The following PCDH11X variants were observed in gnomAD, a reference collection of about 807,000 sequenced individuals.
The protein encoded by PCDH11X is protocadherin 11 X-linked.
PCDH11X carries 18 observed loss-of-function variants against 53.3 expected under a neutral mutation model. The ratio of observed to expected loss-of-function variants is 0.34; its 90% CI spans 0.23 to 0.50. The LOEUF is 0.50. PCDH11X is among the 20% of genes least tolerant of loss of function. The pLI is 0.98. For missense variants in PCDH11X, 570 were observed against 1,032.4 expected, an observed-to-expected ratio of 0.55 and a Z score of 6.14; for synonymous variants, 279 against 393.3, an observed-to-expected ratio of 0.71 and a Z score of 3.44.
At chrX:91,823,782 C>T (rs760216626) in intron 4 of PCDH11X, among the ~76,000 whole-genome samples, 1 of 111,536 alleles carries the variant, frequency 9.0e-6, no homozygotes, top group South Asian at 3.8e-4. Context: ...ATAGTCTTTA[C>T]ATTTTGGCAT....
intron 8 of PCDH11X, among the ~76,000 whole-genome samples, chrX:92,289,284 T>C (rs1401583564): frequency 9.0e-6 from 1 of 111,243 alleles, no homozygotes; most frequent in Non-Finnish European, 1.9e-5. Flanking sequence ...TGGAATCATA[T>C]ATCTACTGTC....
At chrX:92,450,134 C>T (rs2148645784) in intron 9 of PCDH11X, among the ~76,000 whole-genome samples, 1 of 111,142 alleles carries the variant, frequency 9.0e-6, no homozygotes, top group East Asian at 2.9e-4. Flanking sequence ...ACCAAGAATA[C>T]AACCTCAGAT....
chrX:91,846,666 T>C (rs1937687607), intron 5 of PCDH11X, among the ~76,000 whole-genome samples: 1 of 111,611 alleles, frequency 9.0e-6, no homozygotes, highest in Non-Finnish European at 1.9e-5. Flanking sequence ...CCATGCCTTG[T>C]TACACAGTTC....
intron 10 of PCDH11X, among the ~76,000 whole-genome samples, chrX:92,616,306 CCTAA>C (rs1483175777): frequency 6.3e-5 from 4 of 63,609 alleles, no homozygotes; most frequent in Non-Finnish European, 8.7e-5. Context: ...AAGAATGCTG[CCTAA>C]CTGATAGTCA....
intron 10 of PCDH11X, among the ~76,000 whole-genome samples, chrX:92,596,285 C>T (rs2148802454): frequency 8.9e-6 from 1 of 111,813 alleles, no homozygotes; most frequent in Admixed American, 9.5e-5. Flanking sequence ...ATTGTACCAC[C>T]TGTCAGCAGG....
chrX:92,502,208 G>A (rs1398763731), intron 10 of PCDH11X, among the ~76,000 whole-genome samples: 1 of 110,251 alleles, frequency 9.1e-6, no homozygotes, highest in Non-Finnish European at 1.9e-5. Flanking sequence ...CACCACTCAA[G>A]GAAATCAGAG....
rs1222329787 is a variant in PCDH11X at position 92,073,088 on chromosome X, C to T, written c.3034-128287C>T. On this transcript the variant is annotated intron_variant, in intron 6 of 10. Coordinates refer to ENST00000682573, the MANE Select transcript of PCDH11X (RefSeq NM_032968.5). ...TACTGTGACAAGGTAGCACTGAGTT[C>T]GATGTAAAGTCTCCCAGTCACTGCT... Among the ~76,000 whole-genome samples, 9 of 110,843 alleles carry T rather than the reference C, an allele frequency of 8.1e-5. No homozygotes were observed. In the South Asian group the frequency reaches 2.3e-3, roughly 28 times the overall value.
intron 6 of PCDH11X, among the ~76,000 whole-genome samples, chrX:92,152,803 T>TTATG (rs2065462049): frequency 1.8e-5 from 2 of 110,546 alleles, no homozygotes; most frequent in East Asian, 2.8e-4. Context: ...ATGTATTTAT[T>TTATG]TATTTATTTT....
intron 9 of PCDH11X, among the ~76,000 whole-genome samples, chrX:92,423,845 CTA>C (rs1462585033): frequency 1.0e-5 from 1 of 97,109 alleles, no homozygotes; most frequent in Non-Finnish European, 2.3e-5. Flanking sequence ...TTCCATTTGT[CTA>C]TGTGCCTATT....
At chrX:92,367,187 G>T (rs2148546954) in intron 8 of PCDH11X, among the ~76,000 whole-genome samples, 1 of 111,248 alleles carries the variant, frequency 9.0e-6, no homozygotes, top group South Asian at 3.8e-4. Flanking sequence ...TGTATTGGGT[G>T]CATTTATATT....
At chrX:92,348,156 C>T (rs943484534) in intron 8 of PCDH11X, among the ~76,000 whole-genome samples, 115 of 111,535 alleles carry the variant, frequency 1.0e-3, no homozygotes, top group African/African-American at 3.8e-3. Context: ...TGAAGCAAAA[C>T]GGTTCCTGAA....
chrX:92,622,091 G>A lies in PCDH11X; in HGVS notation c.*3151G>A, dbSNP rs1928552652. The A allele has an allele frequency of 1.0e-5, 1 of 100,162 alleles. No homozygotes were observed. Among genetic ancestry groups the A allele is most frequent in the Non-Finnish European group, 2.0e-5 (1 of 49,509 alleles). 8.3% of individuals were successfully genotyped at this position (100,162 alleles called of 1,213,427 possible). ...AGCTTTTACATATGATATCTACAAT[G>A]TAATAAATTTAGAGAGTAATTTTGT... is the stretch of plus-strand genomic sequence containing the variant. On this transcript the variant is annotated 3_prime_UTR_variant, in exon 11 of 11. Transcript: ENST00000682573.
In PCDH11X at chrX:92,158,596, T is replaced by C. The variant is rs528026911; in HGVS notation, c.3034-42779T>C. Among the ~76,000 whole-genome samples the C allele has an allele frequency of 2.7e-5, 3 of 112,054 alleles. No individual in the cohort carries two copies. The South Asian group carries it at 1.1e-3, about 42-fold the overall frequency. On this transcript the variant is annotated intron_variant, in intron 6 of 10. Coordinates refer to ENST00000682573, the MANE Select transcript of PCDH11X (RefSeq NM_032968.5). ...GTCTTTGTATTTATTAACTTTGATT[T>C]TAAGATTGCCTGAATGGTAATGTTT...
chrX:92,247,814 C>A (rs779087950), intron 7 of PCDH11X, among the ~76,000 whole-genome samples: 16 of 111,570 alleles, frequency 1.4e-4, no homozygotes, highest in Non-Finnish European at 2.8e-4. Flanking sequence ...ACCTTATTTC[C>A]AAATAAGGCC....
At chrX:92,464,602 G>T (rs2073122031) in intron 9 of PCDH11X, among the ~76,000 whole-genome samples, 5 of 110,552 alleles carry the variant, frequency 4.5e-5, no homozygotes, top group Non-Finnish European at 9.5e-5. Context: ...AGCAGCATGA[G>T]AACAAACTAA....
At chrX:92,520,239 T>TTG (rs1255160592) in intron 10 of PCDH11X, among the ~76,000 whole-genome samples, 5 of 110,358 alleles carry the variant, frequency 4.5e-5, no homozygotes, top group Non-Finnish European at 9.5e-5. Flanking sequence ...TTTTTTTTTT[T>TTG]GGTTTCCCAA....
chrX:92,424,542 C>T (rs752930438), intron 9 of PCDH11X, among the ~76,000 whole-genome samples: 1,470 of 95,342 alleles, frequency 0.015, 63 homozygotes, highest in African/African-American at 0.048. Flanking sequence ...TTATGGAGTC[C>T]CTTTAGTTAA....
At chrX:92,280,791 T>A (rs454611) in intron 8 of PCDH11X, among the ~76,000 whole-genome samples, 46,634 of 106,621 alleles carry the variant, frequency 0.44, 8,257 homozygotes, top group Non-Finnish European at 0.53. Flanking sequence ...ATATTTTTTT[T>A]AAAAAAAAAT....
At chrX:92,549,727 TAAAAC>T (rs1227841986) in intron 10 of PCDH11X, among the ~76,000 whole-genome samples, 2 of 109,406 alleles carry the variant, frequency 1.8e-5, no homozygotes, top group Admixed American at 9.8e-5. Flanking sequence ...TCAGAATAAA[TAAAAC>T]AAAGTCATCT....
Sources: gnomAD v4.1 joint callset for allele counts (sites outside exome capture counted in the v4.1 genomes callset) on GRCh38, gnomAD v4.1.1 for gene constraint, MANE v1.5 for transcripts, NCBI Gene and HGNC (gene_info 2026-07-23, HGNC 2026-07-21) for gene names.